The following MRLN variants were observed in gnomAD, a reference collection of about 807,000 sequenced individuals.
MRLN encodes the protein myoregulin, also known as Linc-RNA activator of myogenesis.
chr10:59,753,061 A>C (rs999344421), intron 1 of MRLN, among the ~76,000 whole-genome samples: 5 of 152,348 alleles, frequency 3.3e-5, no homozygotes, highest in African/African-American at 1.2e-4. Flanking sequence ...CAAGTAGTTT[A>C]AATATCGTTA....
chr10:59,740,804 CT>C (rs761731461), intron 1 of MRLN, among the ~76,000 whole-genome samples: 3 of 54,656 alleles, frequency 5.5e-5, no homozygotes, highest in Non-Finnish European at 1.3e-4. Flanking sequence ...TTCTTTCTTT[CT>C]TTTTTTTTTG....
chr10:59,740,473 C>T lies in MRLN; in HGVS notation c.-124-1911G>A, dbSNP rs548383743. Reference sequence around the variant, plus strand: ...CCATGCATGCTATTGTCCCTGAAGACCTTCCAGTGGGACAAGATGCCGACG... The same window carrying T: ...CCATGCATGCTATTGTCCCTGAAGATCTTCCAGTGGGACAAGATGCCGACG... On this transcript the variant is annotated intron_variant, in intron 1 of 2. Transcript: ENST00000414264. 3.9e-5 allele frequency among the ~76,000 whole-genome samples: 6 copies of T among 152,224 alleles called. No homozygotes were observed. In the East Asian group the frequency reaches 1.2e-3, roughly 29 times the overall value.
rs534034364 is a variant in MRLN at position 59,741,677 on chromosome 10, C to A, written c.-124-3115G>T. The stretch of plus-strand genomic sequence containing the variant: ...AGGATTACAGAGGTGAGCCACCACA[C>A]CCAGCCTATTTCCTTATTTTGAAAC... On this transcript the variant is annotated intron_variant, in intron 1 of 2. Transcript: ENST00000414264. Among the ~76,000 whole-genome samples, 53 of 152,294 alleles carry A rather than the reference C, an allele frequency of 3.5e-4. 1 individual carries two copies. The highest frequency in any genetic ancestry group is 6.8e-3 in the Middle Eastern group (2 of 294).
rs368945076 is a variant in MRLN at position 59,749,031 on chromosome 10, G to C, written c.-125+4323C>G. The stretch of plus-strand genomic sequence containing the variant: ...GAGAGTACAGGATCTGAACCAGATG[G>C]AACCAGTTTGAGATCCTGGCTCTTA... On this transcript the variant is annotated intron_variant, in intron 1 of 2. Transcript: ENST00000414264. 9.9e-5 allele frequency among the ~76,000 whole-genome samples: 15 copies of C among 152,266 alleles called. No homozygotes were observed. The East Asian group carries it at 2.3e-3, about 24-fold the overall frequency.
intron 1 of MRLN, among the ~76,000 whole-genome samples, chr10:59,747,711 C>G (rs1249170714): frequency 6.6e-6 from 1 of 152,180 alleles, no homozygotes; most frequent in East Asian, 1.9e-4. Flanking sequence ...TGGTTGTTTA[C>G]ATGCAATACG....
At chr10:59,741,768 C>A (rs1477810072) in intron 1 of MRLN, among the ~76,000 whole-genome samples, 4 of 152,198 alleles carry the variant, frequency 2.6e-5, no homozygotes. Flanking sequence ...TAACCTTGAA[C>A]TCCTGGGCTC....
At position 59,752,165 on chromosome 10, in the gene MRLN, C is replaced by T. The variant is rs148730884; in HGVS notation, c.-125+1189G>A. 3.9e-3 allele frequency among the ~76,000 whole-genome samples: 593 copies of T among 152,264 alleles called. 5 individuals carry two copies. Among genetic ancestry groups the T allele is most frequent in the African/African-American group, 0.013 (540 of 41,552 alleles). On this transcript the variant is annotated intron_variant, in intron 1 of 2. Coordinates refer to ENST00000414264, the MANE Select transcript of MRLN (RefSeq NM_001304731.2). Reference sequence around the variant, plus strand: ...GTCCTCAGCATTTGCATGGTTTACACTATTCTAAAAATGAAGTTACTAAAA... The same window carrying T: ...GTCCTCAGCATTTGCATGGTTTACATTATTCTAAAAATGAAGTTACTAAAA...
At chr10:59,746,402 A>G (rs980874830) in intron 1 of MRLN, among the ~76,000 whole-genome samples, 1 of 152,220 alleles carries the variant, frequency 6.6e-6, no homozygotes, top group Non-Finnish European at 1.5e-5. Flanking sequence ...GACTTTGAGT[A>G]TTCTGTGCCA....
chr10:59,742,230 A>G (rs1297017261), intron 1 of MRLN, among the ~76,000 whole-genome samples: 1 of 152,236 alleles, frequency 6.6e-6, no homozygotes, highest in African/African-American at 2.4e-5. Flanking sequence ...GGAATATTAT[A>G]TAATAGTAAA....
chr10:59,750,895 C>A (rs2132596568), intron 1 of MRLN, among the ~76,000 whole-genome samples: 1 of 152,264 alleles, frequency 6.6e-6, no homozygotes, highest in Non-Finnish European at 1.5e-5. Flanking sequence ...AGAAATGGGA[C>A]TAGGGGGGCT....
intron 1 of MRLN, among the ~76,000 whole-genome samples, chr10:59,750,358 A>G (rs962089483): frequency 2.0e-5 from 3 of 152,180 alleles, no homozygotes; most frequent in African/African-American, 7.2e-5. Flanking sequence ...GGCATGAGCC[A>G]TCACGCCCAG....
At chr10:59,750,273 G>A (rs1041505588) in intron 1 of MRLN, among the ~76,000 whole-genome samples, 2 of 151,942 alleles carry the variant, frequency 1.3e-5, no homozygotes, top group Admixed American at 6.6e-5. Flanking sequence ...GTTTCACCAT[G>A]TTGGACAGGC....
intron 1 of MRLN, among the ~76,000 whole-genome samples, chr10:59,749,811 C>A (rs560030436): frequency 6.6e-6 from 1 of 152,120 alleles, no homozygotes; most frequent in Non-Finnish European, 1.5e-5. Flanking sequence ...TGCAGCCCAG[C>A]CATGAAGAGG....
chr10:59,746,273 G>C (rs1841043408), intron 1 of MRLN, among the ~76,000 whole-genome samples: 1 of 152,116 alleles, frequency 6.6e-6, no homozygotes, highest in African/African-American at 2.4e-5. Flanking sequence ...ATGAGACACA[G>C]TTGAAATCTG....
intron 1 of MRLN, among the ~76,000 whole-genome samples, chr10:59,741,080 G>T (rs544624638): frequency 1.3e-5 from 2 of 152,272 alleles, no homozygotes; most frequent in South Asian, 2.1e-4. Flanking sequence ...TTACAGAGGT[G>T]AGCCACCAGT....
At chr10:59,742,389 T>G (rs1840992936) in intron 1 of MRLN, among the ~76,000 whole-genome samples, 1 of 152,202 alleles carries the variant, frequency 6.6e-6, no homozygotes, top group Non-Finnish European at 1.5e-5. Flanking sequence ...TACATTTATA[T>G]AAACTAGAAA....
At chr10:59,740,879 C>T (rs933845074) in intron 1 of MRLN, among the ~76,000 whole-genome samples, 1 of 151,296 alleles carries the variant, frequency 6.6e-6, no homozygotes, top group African/African-American at 2.4e-5. Context: ...CACACTGCAA[C>T]CTCTTCCTCC....
At chr10:59,750,041 C>A (rs374555514) in intron 1 of MRLN, among the ~76,000 whole-genome samples, 7 of 149,262 alleles carry the variant, frequency 4.7e-5, no homozygotes, top group Non-Finnish European at 1.5e-5. Context: ...ATGGAACCTC[C>A]CTTGCTCTCT....
chr10:59,744,079 C>G (rs1476690661), intron 1 of MRLN: 1 of 172,416 alleles, frequency 5.8e-6, no homozygotes, highest in African/African-American at 2.4e-5. Context: ...TCTGCCCGGC[C>G]GCCACCCCGT....
Sources: gnomAD v4.1 joint callset for allele counts (sites outside exome capture counted in the v4.1 genomes callset) on GRCh38, gnomAD v4.1.1 for gene constraint, MANE v1.5 for transcripts, NCBI Gene and HGNC (gene_info 2026-07-23, HGNC 2026-07-21) for gene names.